MTOR: variants seen among roughly 807,000 people sequenced by gnomAD.
MTOR encodes the protein mechanistic target of rapamycin kinase, also known as serine/threonine-protein kinase mTOR.
A neutral mutation model predicts 319.8 loss-of-function variants in MTOR; 70 were observed. That is an observed-to-expected ratio of 0.22 (90% CI 0.18 to 0.27). The LOEUF (loss-of-function observed/expected upper bound fraction) is 0.27, where lower values mean the gene tolerates loss of function less well. Among genes scored for constraint, MTOR ranks in the 10% least tolerant of loss-of-function variants. MTOR has a pLI of 1.00. For synonymous variants in MTOR, 1,183 were observed against 1,211.4 expected, an observed-to-expected ratio of 0.98 and a Z score of 0.49; for missense variants, 1,890 against 3,274.4, an observed-to-expected ratio of 0.58 and a Z score of 10.32.
Position 11,228,785 on chromosome 1 carries a change from A to G in MTOR, c.2913T>C (p.Val971=), listed in dbSNP as rs1256135885. 1 of 1,614,066 alleles carries G rather than the reference A, an allele frequency of 6.2e-7. No homozygotes were observed. The highest frequency in any genetic ancestry group is 1.3e-5 in the African/African-American group (1 of 74,922). Residue 971 remains valine, a synonymous_variant, in exon 19 of 58, where the codon GTT becomes GTC. Coordinates refer to ENST00000361445, the MANE Select transcript of MTOR (RefSeq NM_004958.4). ...TGAAGATGAAGGTGATGGCCTGGACAACCATGGTGTGATGATGAGAGAGTG... is the reference window on the plus strand; with the variant it reads ...TGAAGATGAAGGTGATGGCCTGGACGACCATGGTGTGATGATGAGAGAGTG... ...DQSLSHHHTM[V]VQAITFIFKS...
chr1:11,186,488 C>T (rs543827738), intron 28 of MTOR, among the ~76,000 whole-genome samples: 1 of 152,280 alleles, frequency 6.6e-6, no homozygotes, highest in East Asian at 1.9e-4. Context: ...TCATAAACAC[C>T]TTTTCCAGGA....
chr1:11,140,035 G>A (rs1011617015), intron 34 of MTOR, among the ~76,000 whole-genome samples: 1 of 152,046 alleles, frequency 6.6e-6, no homozygotes, highest in East Asian at 1.9e-4. Flanking sequence ...ATGATGGCAA[G>A]GCTGCTCTCG....
At chr1:11,243,596 G>A (rs946964303) in intron 8 of MTOR, among the ~76,000 whole-genome samples, 1 of 151,562 alleles carries the variant, frequency 6.6e-6, no homozygotes, top group Admixed American at 6.6e-5. Context: ...GCTGAGGCAG[G>A]AGGATCACTT....
At chr1:11,139,698 T>A (rs545044184) in intron 34 of MTOR, 40 bp from the exon 35 acceptor site, 1 of 1,612,522 alleles carries the variant, frequency 6.2e-7, no homozygotes, top group South Asian at 1.1e-5. Context: ...TGTCTTCTGA[T>A]ACATTGTTTT....
chr1:11,193,515 C>A, intron 28 of MTOR: 2 of 1,459,584 alleles, frequency 1.4e-6, no homozygotes, highest in Non-Finnish European at 1.8e-6. Context: ...GGTTGGGAAG[C>A]CTGCCCTCTT....
intron 13 of MTOR, among the ~76,000 whole-genome samples, chr1:11,236,545 G>A (rs1011512500): frequency 8.3e-5 from 11 of 133,276 alleles, no homozygotes; most frequent in Admixed American, 5.6e-4. Flanking sequence ...GTCTCGCTCT[G>A]TCGCCAGGCT....
At chr1:11,188,143 T>TA (rs1645383187) in intron 28 of MTOR, among the ~76,000 whole-genome samples, 1 of 152,172 alleles carries the variant, frequency 6.6e-6, no homozygotes, top group Admixed American at 6.5e-5. Flanking sequence ...ACTACAACAG[T>TA]ACAAGTAACT....
Position 11,109,534 on chromosome 1 carries a change from T to C in MTOR, c.7447+115A>G. The stretch of plus-strand genomic sequence containing the variant: ...ATAATGAGAAATTCATGGAACCTTT[T>C]CTGCTCAAAGGCAGTTTTGTTGCTT... On this transcript the variant is annotated intron_variant, in intron 55 of 57. Coordinates refer to ENST00000361445, the MANE Select transcript of MTOR (RefSeq NM_004958.4). This position sits in a 1 kb window ranked among gnomAD's most constrained non-coding sequence, Gnocchi z 4.0. 1 of 1,256,616 alleles carries C rather than the reference T, an allele frequency of 8.0e-7. No homozygotes were observed. The highest frequency in any genetic ancestry group is 1.2e-6 in the Non-Finnish European group (1 of 869,472). The allele number at this position is 1,256,616 out of a possible 1,614,324, so 77.8% of individuals were successfully genotyped here.
At chr1:11,183,829 A>T (rs114692835) in intron 28 of MTOR, among the ~76,000 whole-genome samples, 1,592 of 152,038 alleles carry the variant, frequency 0.01, 23 homozygotes, top group South Asian at 0.029. Flanking sequence ...AAAAAAAAAA[A>T]TTTTCTTCCC....
Position 11,121,880 on chromosome 1 carries a change from T to C in MTOR, c.6810+99A>G. The C allele has an allele frequency of 6.8e-7, 1 of 1,467,316 alleles. No individual in the cohort carries two copies. Among genetic ancestry groups the C allele is most frequent in the Non-Finnish European group, 9.2e-7 (1 of 1,086,238 alleles). 90.9% of individuals were successfully genotyped at this position (1,467,316 alleles called of 1,614,324 possible). A position where few individuals can be genotyped will look rare whatever the true frequency, so the allele number is the denominator to read the frequency against. On this transcript the variant is annotated intron_variant, in intron 48 of 57. Transcript: ENST00000361445. This position sits in a 1 kb window ranked among gnomAD's most constrained non-coding sequence, Gnocchi z 4.9. Reference sequence around the variant, plus strand: ...TTCAAAGCTGATTCTCTCAAAGAGATTTTTCAGTGACAGACATACAGAGAG... The same window carrying C: ...TTCAAAGCTGATTCTCTCAAAGAGACTTTTCAGTGACAGACATACAGAGAG...
At chr1:11,161,671 C>T (rs1366053314) in intron 29 of MTOR, among the ~76,000 whole-genome samples, 1 of 152,170 alleles carries the variant, frequency 6.6e-6, no homozygotes, top group Non-Finnish European at 1.5e-5. Context: ...CCCAGGCAAA[C>T]GGGGTCTGGA....
chr1:11,109,509 A>G lies in MTOR; in HGVS notation c.7448-139T>C. ...CTATGTCCGTCTTTGTCCTCAGAAT[A>G]TAATGAGAAATTCATGGAACCTTTT... On this transcript the variant is annotated intron_variant, in intron 55 of 57. Coordinates refer to ENST00000361445, the MANE Select transcript of MTOR (RefSeq NM_004958.4). This position sits in a 1 kb window ranked among gnomAD's most constrained non-coding sequence, Gnocchi z 4.0. 1 of 1,199,666 alleles carries G rather than the reference A, an allele frequency of 8.3e-7. No individual in the cohort carries two copies. Among genetic ancestry groups the G allele is most frequent in the South Asian group, 1.3e-5 (1 of 76,056 alleles). The allele number at this position is 1,199,666 out of a possible 1,614,324, so 74.3% of individuals were successfully genotyped here.
chr1:11,220,866 G>A (rs11803882), intron 19 of MTOR, among the ~76,000 whole-genome samples: 1,791 of 152,104 alleles, frequency 0.012, 34 homozygotes, highest in African/African-American at 0.041. Flanking sequence ...AGCAGCAATA[G>A]GAAATAATAA....
intron 20 of MTOR, among the ~76,000 whole-genome samples, chr1:11,214,196 T>C (rs186931471): frequency 6.6e-6 from 1 of 152,248 alleles, no homozygotes; most frequent in Admixed American, 6.5e-5. Flanking sequence ...AAATATTTCC[T>C]GGCTTTTCTG....
intron 56 of MTOR, 127 bp from the exon 57 acceptor site, chr1:11,108,413 A>G: frequency 1.3e-6 from 1 of 784,888 alleles, no homozygotes; most frequent in Non-Finnish European, 2.1e-6. Context: ...ATACCATCAT[A>G]GTTGGATTTG....
intron 5 of MTOR, among the ~76,000 whole-genome samples, chr1:11,254,607 AT>A (rs1650122212): frequency 6.6e-6 from 1 of 152,134 alleles, no homozygotes; most frequent in Non-Finnish European, 1.5e-5. Context: ...TCTTTTTCTA[AT>A]ATAAGACTCA....
Position 11,213,413 on chromosome 1 carries a change from T to C in MTOR, c.3271A>G (p.Ile1091Val), listed in dbSNP as rs145595429. ...VFMHDNSPGR[I>V]VSIKLLAAIQ... The stretch of plus-strand genomic sequence containing the variant: ...AGGCTACTCACCTTGATAGAGACAA[T>C]GCGGCCTGGGCTGTTGTCATGCATG... Residue 1091 changes from isoleucine (I) to valine (V), a missense_variant, in exon 21 of 58, where the codon ATT (isoleucine) becomes GTT (valine). This residue lies in a region of MTOR where 377 missense variants were observed against 653.9 expected (regional missense o/e 0.58). Transcript: ENST00000361445. 1.1e-5 allele frequency: 17 copies of C among 1,612,122 alleles called. No individual in the cohort carries two copies. Among genetic ancestry groups the C allele is most frequent in the Admixed American group, 1.7e-5 (1 of 59,870 alleles).
Position 11,114,457 on chromosome 1 carries a change from G to C in MTOR, c.7165-4C>G, listed in dbSNP as rs537885627. The C allele has an allele frequency of 6.2e-7, 1 of 1,614,172 alleles. No homozygotes were observed. The highest frequency in any genetic ancestry group is 1.1e-5 in the South Asian group (1 of 91,084). ...AGTTGCCATCCAGGCCTGTAACCTA[G>C]AAATGGGACAGAGCCACTCACCACA... is the stretch of plus-strand genomic sequence containing the variant. On this transcript the variant is annotated splice_region_variant and splice_polypyrimidine_tract_variant and intron_variant, in intron 52 of 57. Coordinates refer to ENST00000361445, the MANE Select transcript of MTOR (RefSeq NM_004958.4).
chr1:11,121,225 C>G lies in MTOR; in HGVS notation c.6933+21G>C, dbSNP rs1388422876. 4.3e-6 allele frequency: 7 copies of G among 1,611,860 alleles called. No individual in the cohort carries two copies. The highest frequency in any genetic ancestry group is 2.2e-5 in the East Asian group (1 of 44,888). ...GTGGGGGTTCCAGGAGAGCGCAGGT[C>G]TGCAGGGCCCAGTGGCCTACCTCGG... On this transcript the variant is annotated intron_variant, in intron 49 of 57. Coordinates refer to ENST00000361445, the MANE Select transcript of MTOR (RefSeq NM_004958.4). The surrounding 1 kb of genome is among the most constrained non-coding windows in gnomAD (Gnocchi z 4.9).
Sources: gnomAD v4.1 joint callset for allele counts (sites outside exome capture counted in the v4.1 genomes callset) on GRCh38, gnomAD v4.1.1 for gene constraint, gnomAD v4.1.1 regional missense constraint, Gnocchi (gnomAD v3.1) non-coding constraint, MANE v1.5 for transcripts, NCBI Gene and HGNC (gene_info 2026-07-23, HGNC 2026-07-21) for gene names.